NRIP1: variants seen among roughly 807,000 people sequenced by gnomAD.
The protein encoded by NRIP1 is nuclear receptor interacting protein 1.
Under a neutral mutation model 75.0 loss-of-function variants are expected in NRIP1, and 28 were observed. The ratio of observed to expected loss-of-function variants is 0.37; its 90% CI spans 0.28 to 0.51. NRIP1 has a LOEUF of 0.51. Among genes scored for constraint, NRIP1 ranks in the 20% least tolerant of loss-of-function variants. The pLI, the probability that NRIP1 is intolerant of heterozygous loss-of-function variation, is 0.92. For missense variants in NRIP1, 1,435 were observed against 1,343.7 expected, an observed-to-expected ratio of 1.07 and a Z score of -1.06; for synonymous variants, 526 against 487.6, an observed-to-expected ratio of 1.08 and a Z score of -1.04.
intron 1 of NRIP1, chr21:15,050,438 T>C (rs535391267): frequency 6.4e-6 from 2 of 314,452 alleles, no homozygotes; most frequent in Non-Finnish European, 1.2e-5. Context: ...ATACACATAA[T>C]ATTGGGATCT....
intron 2 of NRIP1, among the ~76,000 whole-genome samples, chr21:15,037,495 A>G (rs2088861809): frequency 2.0e-5 from 3 of 152,192 alleles, no homozygotes; most frequent in Non-Finnish European, 4.4e-5. Flanking sequence ...CTAGAAGTTT[A>G]TAATTTTGCT....
intron 3 of NRIP1, among the ~76,000 whole-genome samples, chr21:14,996,644 C>T (rs977227743): frequency 5.3e-5 from 8 of 152,040 alleles, no homozygotes; most frequent in Non-Finnish European, 1.0e-4. Context: ...TCCTGTTTTC[C>T]ACCACTAGAC....
At position 14,964,683 on chromosome 21, in the gene NRIP1, T is replaced by C. The variant is rs547355745; in HGVS notation, c.*33A>G. 7 of 1,469,670 alleles carry C rather than the reference T, an allele frequency of 4.8e-6. No individual in the cohort carries two copies. In the East Asian group the frequency reaches 1.6e-4, roughly 33 times the overall value. The allele number at this position is 1,469,670 out of a possible 1,614,324, so 91.0% of individuals were successfully genotyped here. Reference sequence around the variant, plus strand: ...ATCTCAAGTTCATACTCATTAGTTTTAAAAAGATCCAAAACTGGATGGCAG... The same window carrying C: ...ATCTCAAGTTCATACTCATTAGTTTCAAAAAGATCCAAAACTGGATGGCAG... On this transcript the variant is annotated 3_prime_UTR_variant, in exon 4 of 4. Coordinates refer to ENST00000318948, the MANE Select transcript of NRIP1 (RefSeq NM_003489.4).
At chr21:15,003,313 G>A (rs974003701) in intron 3 of NRIP1, among the ~76,000 whole-genome samples, 3 of 151,516 alleles carry the variant, frequency 2.0e-5, no homozygotes, top group Non-Finnish European at 2.9e-5. Flanking sequence ...ATCCTAAGCC[G>A]TTCTGTTTTC....
chr21:15,042,447 T>C (rs777482518), intron 2 of NRIP1, among the ~76,000 whole-genome samples: 6 of 152,196 alleles, frequency 3.9e-5, no homozygotes, highest in Non-Finnish European at 8.8e-5. Context: ...GGCATATCCA[T>C]ATGTGATCTA....
At chr21:15,015,247 C>G (rs960268083) in intron 2 of NRIP1, among the ~76,000 whole-genome samples, 18 of 152,196 alleles carry the variant, frequency 1.2e-4, no homozygotes, top group African/African-American at 3.6e-4. Context: ...GAAAATAGAT[C>G]AGTGAGGTTG....
intron 2 of NRIP1, among the ~76,000 whole-genome samples, chr21:15,037,959 C>T (rs541614114): frequency 5.9e-5 from 9 of 152,048 alleles, no homozygotes; most frequent in South Asian, 4.1e-4. Flanking sequence ...ATAATCAGAA[C>T]GTAATAAAGC....
At chr21:14,995,001 C>T (rs1409620866) in intron 3 of NRIP1, among the ~76,000 whole-genome samples, 2 of 152,206 alleles carry the variant, frequency 1.3e-5, no homozygotes, top group Non-Finnish European at 2.9e-5. Context: ...CTTTTGCCAT[C>T]ACTCAGTAGT....
chr21:15,050,389 C>G (rs113196657), intron 1 of NRIP1: 1 of 244,386 alleles, frequency 4.1e-6, no homozygotes, highest in South Asian at 4.8e-5. Context: ...CTTTATGTTA[C>G]TAAGTTCACT....
At chr21:15,024,567 A>AGTGTGTGTGTGT (rs60376904) in intron 2 of NRIP1, among the ~76,000 whole-genome samples, 147 of 145,662 alleles carry the variant, frequency 1.0e-3, no homozygotes, top group Middle Eastern at 3.4e-3. Context: ...TGGTATCCAG[A>AGTGTGTGTGTGT]GTGTGTGTGT....
chr21:14,965,291 T>C lies in NRIP1; in HGVS notation c.2902A>G (p.Asn968Asp), dbSNP rs767209626. ...AATTCAGGTTTGCTGTTGGTCACAT[T>C]ATTTTTGTGTCCTTTCTTTTTACTG... ...ADSKKKGHKN[N>D]VTNSKPEFSI... is the part of the protein sequence containing the mutation. The change falls in exon 4 of 4, where the codon AAT becomes GAT. Residue 968 changes from asparagine to aspartate, a missense_variant. By Grantham distance (23) the Asn-to-Asp change is conservative (BLOSUM62 1). Coordinates refer to ENST00000318948, the MANE Select transcript of NRIP1 (RefSeq NM_003489.4). 6.2e-7 allele frequency: 1 copy of C among 1,614,022 alleles called. No homozygotes were observed. The highest frequency in any genetic ancestry group is 1.1e-5 in the South Asian group (1 of 91,084).
At chr21:15,021,315 A>G (rs1240708012) in intron 2 of NRIP1, among the ~76,000 whole-genome samples, 1 of 152,242 alleles carries the variant, frequency 6.6e-6, no homozygotes, top group African/African-American at 2.4e-5. Flanking sequence ...GATTCCAAAA[A>G]GATATCTATA....
rs1042812564 is a variant in NRIP1 at position 14,964,028 on chromosome 21, T to C, written c.*688A>G. ...CAAAAAATGGAAATCTGCCTTTTTTTTAAAGGATCTATCAAACTTCCCTCA... is the reference window on the plus strand; with the variant it reads ...CAAAAAATGGAAATCTGCCTTTTTTCTAAAGGATCTATCAAACTTCCCTCA... On this transcript the variant is annotated 3_prime_UTR_variant, in exon 4 of 4. Coordinates refer to ENST00000318948, the MANE Select transcript of NRIP1 (RefSeq NM_003489.4). The C allele has an allele frequency of 2.0e-5, 3 of 152,572 alleles. No individual in the cohort carries two copies. The highest frequency in any genetic ancestry group is 7.2e-5 in the African/African-American group (3 of 41,450). The allele number at this position is 152,572 out of a possible 1,614,324, so 9.5% of individuals were successfully genotyped here.
Position 14,968,314 on chromosome 21 carries a change from G to A in NRIP1, c.-122C>T, listed in dbSNP as rs1380872098. 3.0e-6 allele frequency: 2 copies of A among 672,292 alleles called. No individual in the cohort carries two copies. Among genetic ancestry groups the A allele is most frequent in the African/African-American group, 3.6e-5 (2 of 54,970 alleles). The allele number at this position is 672,292 out of a possible 1,614,324, so 41.6% of individuals were successfully genotyped here. On this transcript the variant is annotated 5_prime_UTR_variant, in exon 4 of 4. Coordinates refer to ENST00000318948, the MANE Select transcript of NRIP1 (RefSeq NM_003489.4). ...TTTATCACCTTCCATCGCAATCAGA[G>A]AGAGACGTACTGTTACATTCTGTCC...
intron 2 of NRIP1, among the ~76,000 whole-genome samples, chr21:15,028,123 G>A (rs1473100561): frequency 6.6e-6 from 1 of 152,052 alleles, no homozygotes; most frequent in Admixed American, 6.5e-5. Flanking sequence ...GCATGTGAAA[G>A]GTACTTTATA....
intron 2 of NRIP1, among the ~76,000 whole-genome samples, chr21:15,035,127 C>T (rs1294316788): frequency 5.3e-5 from 8 of 152,110 alleles, no homozygotes; most frequent in Non-Finnish European, 1.2e-4. Flanking sequence ...CTAAAGCCAT[C>T]ATTTTCCATA....
In NRIP1 at chr21:14,966,974, C is replaced by T; in HGVS notation, c.1219G>A (p.Glu407Lys). ...SHSERGSIFE[E>K]SSTPTTIDEY... is the part of the protein sequence containing the mutation. ...TCAATAGTTGTAGGTGTACTACTTT[C>T]CTCAAAAATGCTTCCTCTCTCACTG... The change falls in exon 4 of 4, where the codon GAA (glutamate) becomes AAA (lysine). Residue 407 changes from glutamate to lysine, a missense_variant. Coordinates refer to ENST00000318948, the MANE Select transcript of NRIP1 (RefSeq NM_003489.4). The T allele has an allele frequency of 1.2e-6, 2 of 1,614,088 alleles. No homozygotes were observed. Among genetic ancestry groups the T allele is most frequent in the Non-Finnish European group, 1.7e-6 (2 of 1,179,988 alleles).
intron 3 of NRIP1, among the ~76,000 whole-genome samples, chr21:14,982,935 C>T (rs908178252): frequency 6.6e-6 from 1 of 151,864 alleles, no homozygotes; most frequent in African/African-American, 2.4e-5. Flanking sequence ...ATGAACTGTG[C>T]CCATATCACA....
In NRIP1 at chr21:14,965,738, G is replaced by C. The variant is rs61008101; in HGVS notation, c.2455C>G (p.Leu819Val). 6.2e-7 allele frequency: 1 copy of C among 1,613,926 alleles called. No homozygotes were observed. Among genetic ancestry groups the C allele is most frequent in the East Asian group, 2.2e-5 (1 of 44,870 alleles). Residue 819 changes from leucine to valine, a missense_variant, in exon 4 of 4, where the codon CTA becomes GTA. Physicochemically the swap from Leu to Val is conservative, Grantham distance 32 (BLOSUM62 1). Coordinates refer to ENST00000318948, the MANE Select transcript of NRIP1 (RefSeq NM_003489.4). ...TGATTTTGTCTTAGCAATCGACTTA[G>C]CAGACCATTCTTGGAGAAAGAAAAA... is the stretch of plus-strand genomic sequence containing the variant. ...QDFSFSKNGL[L>V]SRLLRQNQDS...
Sources: gnomAD v4.1 joint callset for allele counts (sites outside exome capture counted in the v4.1 genomes callset) on GRCh38, gnomAD v4.1.1 for gene constraint, MANE v1.5 for transcripts, NCBI Gene and HGNC (gene_info 2026-07-23, HGNC 2026-07-21) for gene names.